The following VEGFD variants were observed in gnomAD, a reference collection of about 807,000 sequenced individuals.
VEGFD encodes the protein c-fos induced growth factor (vascular endothelial growth factor D).
Under a neutral mutation model 28.0 loss-of-function variants are expected in VEGFD, and 26 were observed. The observed-to-expected ratio is 0.93, with a 90% CI of 0.68 to 1.29. The LOEUF is 1.29. Among genes scored for constraint, VEGFD ranks in the 50% most tolerant of loss-of-function variants. The pLI is 0.00. For synonymous variants in VEGFD, 93 were observed against 95.5 expected, an observed-to-expected ratio of 0.97 and a Z score of 0.15; for missense variants, 294 against 273.4, an observed-to-expected ratio of 1.08 and a Z score of -0.53.
At chrX:15,361,750 A>C (rs1923017056) in intron 2 of VEGFD, among the ~76,000 whole-genome samples, 1 of 112,582 alleles carries the variant, frequency 8.9e-6, no homozygotes, top group South Asian at 3.6e-4. Context: ...ACATCAAAAA[A>C]TTAAGTGCCT....
At chrX:15,381,541 A>C (rs911487239) in intron 1 of VEGFD, among the ~76,000 whole-genome samples, 2 of 82,641 alleles carry the variant, frequency 2.4e-5, no homozygotes, top group African/African-American at 7.3e-5. Context: ...AAAAAAAAAA[A>C]ACAAAAAATT....
At chrX:15,357,425 T>C (rs946000956) in intron 3 of VEGFD, among the ~76,000 whole-genome samples, 1 of 111,086 alleles carries the variant, frequency 9.0e-6, no homozygotes, top group African/African-American at 3.3e-5. Flanking sequence ...GAGTTGACAG[T>C]GGCCAGTCCA....
At chrX:15,383,338 C>T (rs1037874632) in intron 1 of VEGFD, among the ~76,000 whole-genome samples, 1 of 111,809 alleles carries the variant, frequency 8.9e-6, no homozygotes, top group Non-Finnish European at 1.9e-5. Flanking sequence ...TTTCAAGAAG[C>T]GAAAAAACCA....
At chrX:15,359,556 A>C (rs1308678199) in intron 2 of VEGFD, among the ~76,000 whole-genome samples, 1 of 106,385 alleles carries the variant, frequency 9.4e-6, no homozygotes, top group Non-Finnish European at 1.9e-5. Context: ...CCCCCCACCC[A>C]CCAACAGGCC....
At chrX:15,364,442 T>C (rs1481022053) in intron 1 of VEGFD, among the ~76,000 whole-genome samples, 1 of 111,559 alleles carries the variant, frequency 9.0e-6, no homozygotes. Flanking sequence ...TTGTTCAAAA[T>C]TGGGGGCTTA....
At chrX:15,380,749 G>A (rs954018430) in intron 1 of VEGFD, among the ~76,000 whole-genome samples, 1 of 112,818 alleles carries the variant, frequency 8.9e-6, no homozygotes, top group African/African-American at 3.2e-5. Flanking sequence ...CAATGTGAAT[G>A]AGAGAAGAGT....
At chrX:15,365,620 T>C (rs1411234640) in intron 1 of VEGFD, among the ~76,000 whole-genome samples, 3 of 112,212 alleles carry the variant, frequency 2.7e-5, no homozygotes, top group Middle Eastern at 4.6e-3. Context: ...GAGACCTTCA[T>C]GGCAGTTTCA....
chrX:15,358,532 T>C (rs1922924206), intron 2 of VEGFD, among the ~76,000 whole-genome samples: 1 of 112,135 alleles, frequency 8.9e-6, no homozygotes, highest in South Asian at 3.7e-4. Flanking sequence ...AAATAACATG[T>C]AAATATTATT....
At chrX:15,362,207 C>T (rs765045918) in intron 2 of VEGFD, among the ~76,000 whole-genome samples, 13 of 111,400 alleles carry the variant, frequency 1.2e-4, no homozygotes, top group East Asian at 2.8e-4. Context: ...TACTAGGGAA[C>T]GATCATTATC....
At chrX:15,374,636 C>T (rs1923389930) in intron 1 of VEGFD, among the ~76,000 whole-genome samples, 1 of 111,138 alleles carries the variant, frequency 9.0e-6, no homozygotes, top group East Asian at 2.8e-4. Context: ...GGAATAGTTC[C>T]GTATCCTAAT....
chrX:15,352,444 C>G (rs1457483066), intron 5 of VEGFD, among the ~76,000 whole-genome samples: 7 of 110,745 alleles, frequency 6.3e-5, no homozygotes, highest in Non-Finnish European at 1.3e-4. Flanking sequence ...GACAATTTGA[C>G]TATATCTCAT....
At chrX:15,354,710 GC>G (rs1569184082) in intron 4 of VEGFD, among the ~76,000 whole-genome samples, 2 of 111,436 alleles carry the variant, frequency 1.8e-5, no homozygotes, top group Non-Finnish European at 3.8e-5. Context: ...TTAGAAAGTT[GC>G]AAAACTCACG....
rs1422711100 is a variant in VEGFD at position 15,351,288 on chromosome X, T to G, written c.742+1780A>C. ...CCGCCACTACGCCCGGCTAATTTTTTTTTTGTATTTTTAGTAGAGACGGGG... is the reference window on the plus strand; with the variant it reads ...CCGCCACTACGCCCGGCTAATTTTTGTTTTGTATTTTTAGTAGAGACGGGG... On this transcript the variant is annotated intron_variant, in intron 5 of 6. Coordinates refer to ENST00000297904, the MANE Select transcript of VEGFD (RefSeq NM_004469.5). 2.9e-5 allele frequency among the ~76,000 whole-genome samples: 3 copies of G among 104,286 alleles called. No individual in the cohort carries two copies. The East Asian group carries it at 9.1e-4, about 31-fold the overall frequency. The allele number at this position is 104,286 out of a possible 115,157, so 90.6% of individuals were successfully genotyped here.
intron 5 of VEGFD, among the ~76,000 whole-genome samples, chrX:15,350,993 C>T (rs1415587412): frequency 1.2e-5 from 1 of 86,116 alleles, no homozygotes; most frequent in Non-Finnish European, 2.1e-5. Flanking sequence ...TCCTGAGTAG[C>T]TGGGACTACA....
chrX:15,353,217 C>G (rs375517026), intron 4 of VEGFD, 49 bp from the exon 5 acceptor site: 2 of 721,518 alleles, frequency 2.8e-6, no homozygotes, highest in Non-Finnish European at 4.0e-6. Flanking sequence ...CAAGGATAAT[C>G]AAAACTTTGG....
At chrX:15,351,139 G>C (rs1288138774) in intron 5 of VEGFD, among the ~76,000 whole-genome samples, 1 of 81,752 alleles carries the variant, frequency 1.2e-5, no homozygotes, top group Non-Finnish European at 2.3e-5. Context: ...TTTTTGAGAC[G>C]GAGTCTCGCT....
chrX:15,359,327 T>A (rs982764381), intron 2 of VEGFD, among the ~76,000 whole-genome samples: 31 of 99,928 alleles, frequency 3.1e-4, no homozygotes, highest in African/African-American at 6.5e-4. Context: ...TCACACACAC[T>A]CTCTCTCTCT....
chrX:15,362,701 G>A (rs767030420), intron 2 of VEGFD, among the ~76,000 whole-genome samples: 44 of 111,672 alleles, frequency 3.9e-4, no homozygotes, highest in Admixed American at 7.6e-4. Flanking sequence ...TTACAGGCAT[G>A]AGCCACCATG....
chrX:15,361,528 C>T (rs1481889107), intron 2 of VEGFD, among the ~76,000 whole-genome samples: 1 of 112,365 alleles, frequency 8.9e-6, no homozygotes, highest in African/African-American at 3.2e-5. Flanking sequence ...GCTCTCCCCA[C>T]AGCCAACAAC....
Sources: allele counts gnomAD v4.1 joint callset (sites outside exome capture counted in the v4.1 genomes callset), GRCh38; gene constraint gnomAD v4.1.1; transcripts MANE v1.5; gene names NCBI Gene and HGNC (gene_info 2026-07-23, HGNC 2026-07-21).